LHCGR: variants seen among roughly 807,000 people sequenced by gnomAD.
The protein encoded by LHCGR is lutropin-choriogonadotropic hormone receptor.
In LHCGR, 55 loss-of-function variants were observed where a neutral mutation model predicts 60.7. The observed-to-expected ratio is 0.91, with a 90% CI of 0.73 to 1.13. The LOEUF is 1.13. Ranked by LOEUF, LHCGR falls within the 50% of genes most tolerant of loss-of-function variation. The pLI, the probability that LHCGR is intolerant of heterozygous loss-of-function variation, is 0.00. For synonymous variants in LHCGR, 337 were observed against 316.5 expected, an observed-to-expected ratio of 1.06 and a Z score of -0.69; for missense variants, 862 against 836.0, an observed-to-expected ratio of 1.03 and a Z score of -0.38.
rs763810927 is a variant in LHCGR, at chr2:48,713,983, T to C, written c.605+3A>G. The C allele has an allele frequency of 5.6e-6, 9 of 1,593,772 alleles. No individual in the cohort carries two copies. The highest frequency in any genetic ancestry group is 7.7e-6 in the Non-Finnish European group (9 of 1,161,554). ...TGAGCTGGGGAAATAAGCAAATACT[T>C]ACAGTGAAGTCAGTGTCGTCCCATT... is the stretch of plus-strand genomic sequence containing the variant. On this transcript the variant is annotated splice_donor_region_variant and intron_variant, in intron 7 of 10. Coordinates refer to ENST00000294954, the MANE Select transcript of LHCGR (RefSeq NM_000233.4).
intron 1 of LHCGR, among the ~76,000 whole-genome samples, chr2:48,746,905 A>G (rs766982944): frequency 1.3e-5 from 2 of 152,162 alleles, no homozygotes; most frequent in Non-Finnish European, 2.9e-5. Flanking sequence ...GATTTCTTGA[A>G]AATATTTTTC....
chr2:48,745,903 G>T (rs1434137458), intron 1 of LHCGR, among the ~76,000 whole-genome samples: 10 of 151,656 alleles, frequency 6.6e-5, no homozygotes, highest in Non-Finnish European at 1.0e-4. Flanking sequence ...TCCGTCTCAG[G>T]TACTACATAC....
In LHCGR at chr2:48,705,521, G is replaced by A. The variant is rs189208477; in HGVS notation, c.680+3427C>T. On this transcript the variant is annotated intron_variant, in intron 8 of 10. Coordinates refer to ENST00000294954, the MANE Select transcript of LHCGR (RefSeq NM_000233.4). The stretch of plus-strand genomic sequence containing the variant: ...AGTCTCCCATTATTATTGTGTGGGA[G>A]TCTAAGTCTCTTCGTAGTTCTCTAA... Among the ~76,000 whole-genome samples the A allele has an allele frequency of 1.1e-3, 161 of 152,290 alleles. 1 individual carries two copies. The highest frequency in any genetic ancestry group is 1.6e-3 in the Non-Finnish European group (108 of 68,010).
At chr2:48,733,821 G>T (rs920737208) in intron 1 of LHCGR, among the ~76,000 whole-genome samples, 1 of 152,034 alleles carries the variant, frequency 6.6e-6, no homozygotes, top group Non-Finnish European at 1.5e-5. Flanking sequence ...ATGGGTAGCA[G>T]TTCCTAAGCA....
rs1387925619 is a variant in LHCGR, at chr2:48,687,725, A to G, written c.2072T>C (p.Leu691Pro). 3 of 1,613,960 alleles carry G rather than the reference A, an allele frequency of 1.9e-6. No individual in the cohort carries two copies. The highest frequency in any genetic ancestry group is 1.7e-6 in the Non-Finnish European group (2 of 1,179,942). ...STLHCQGTAL[L>P]DKTRYTEC ...ACACTCTGTGTAGCGAGTCTTGTCT[A>G]GGAGAGCTGTACCTTGACAGTGCAA... The change falls in exon 11 of 11, where the codon CTA becomes CCA. Residue 691 changes from leucine (L) to proline (P), a missense_variant. Physicochemically the swap from Leu to Pro is moderately conservative, Grantham distance 98. Coordinates refer to ENST00000294954, the MANE Select transcript of LHCGR (RefSeq NM_000233.4).
At chr2:48,708,659 G>A (rs1331100808) in intron 8 of LHCGR, 5 of 542,464 alleles carry the variant, frequency 9.2e-6, no homozygotes, top group Non-Finnish European at 1.7e-5. Flanking sequence ...GAGAGGCCTG[G>A]AATAGATGCT....
At chr2:48,697,240 T>C (rs1667161000) in intron 9 of LHCGR, among the ~76,000 whole-genome samples, 1 of 152,248 alleles carries the variant, frequency 6.6e-6, no homozygotes, top group East Asian at 1.9e-4. Flanking sequence ...CTCCTGCCTG[T>C]TCTTCAAGAC....
intron 3 of LHCGR, 135 bp downstream of exon 3, chr2:48,729,018 C>A: frequency 1.3e-6 from 1 of 783,768 alleles, no homozygotes; most frequent in Non-Finnish European, 2.3e-6. Context: ...TTAGTGCCTG[C>A]CCAGACCTAG....
intron 10 of LHCGR, among the ~76,000 whole-genome samples, chr2:48,689,331 T>G (rs1422996971): frequency 6.6e-6 from 1 of 152,164 alleles, no homozygotes; most frequent in Non-Finnish European, 1.5e-5. Flanking sequence ...TTCTTGGCAT[T>G]TTCTTAACTA....
At chr2:48,702,001 G>T (rs546118011) in intron 8 of LHCGR, among the ~76,000 whole-genome samples, 2 of 152,168 alleles carry the variant, frequency 1.3e-5, no homozygotes, top group Non-Finnish European at 2.9e-5. Context: ...TGTTCACCAC[G>T]GTGCCTGGTA....
chr2:48,726,831 C>T (rs1668757399), intron 3 of LHCGR, among the ~76,000 whole-genome samples: 1 of 152,144 alleles, frequency 6.6e-6, no homozygotes, highest in African/African-American at 2.4e-5. Flanking sequence ...AGTAAGGCCT[C>T]AACCAGTGTT....
chr2:48,687,640 G>T lies in LHCGR; in HGVS notation c.*57C>A, dbSNP rs1275437926. 1 of 1,425,476 alleles carries T rather than the reference G, an allele frequency of 7.0e-7. No homozygotes were observed. The highest frequency in any genetic ancestry group is 9.9e-7 in the Non-Finnish European group (1 of 1,010,610). 88.3% of individuals were successfully genotyped at this position (1,425,476 alleles called of 1,614,324 possible). A position where few individuals can be genotyped will look rare whatever the true frequency, so the allele number is the denominator to read the frequency against. On this transcript the variant is annotated 3_prime_UTR_variant, in exon 11 of 11. Transcript: ENST00000294954. ...CTTTATGTTAAAATTACTGGTACAG[G>T]TAATTTTTTTTTACAGGTTTAAGAA... is the stretch of plus-strand genomic sequence containing the variant.
chr2:48,731,363 A>T (rs1041593761), intron 1 of LHCGR, 65 bp from the exon 2 acceptor site: 33 of 1,100,152 alleles, frequency 3.0e-5, no homozygotes, highest in Non-Finnish European at 4.6e-5. Flanking sequence ...TAAGTTCATG[A>T]ATAAAATGGG....
chr2:48,698,003 G>A (rs1359160049), intron 9 of LHCGR, among the ~76,000 whole-genome samples: 1 of 152,152 alleles, frequency 6.6e-6, no homozygotes, highest in Non-Finnish European at 1.5e-5. Flanking sequence ...ACAGTGCTCT[G>A]AGGAAAGAAC....
At chr2:48,742,168 A>G (rs1017267132) in intron 1 of LHCGR, among the ~76,000 whole-genome samples, 2 of 152,056 alleles carry the variant, frequency 1.3e-5, no homozygotes, top group African/African-American at 2.4e-5. Flanking sequence ...TGGACCCAAT[A>G]CAGGAGCACC....
Position 48,686,853 on chromosome 2 carries a change from T to C in LHCGR, c.*844A>G, listed in dbSNP as rs1322726180. ...GAAAAAATTGTTTTCATTATATGTTTCATAACTTCAGAGTAATTCTAACTC... is the reference window on the plus strand; with the variant it reads ...GAAAAAATTGTTTTCATTATATGTTCCATAACTTCAGAGTAATTCTAACTC... On this transcript the variant is annotated 3_prime_UTR_variant, in exon 11 of 11. Coordinates refer to ENST00000294954, the MANE Select transcript of LHCGR (RefSeq NM_000233.4). The C allele has an allele frequency of 6.6e-6, 1 of 152,208 alleles. No individual in the cohort carries two copies. The allele number at this position is 152,208 out of a possible 1,614,324, so 9.4% of individuals were successfully genotyped here. A position where few individuals can be genotyped will look rare whatever the true frequency, so the allele number is the denominator to read the frequency against.
chr2:48,729,205 G>C lies in LHCGR; in HGVS notation c.256C>G (p.Leu86Val). ...IKIEISQIDS[L>V]ERIEANAFDN... ...AAGGCATTAGCTTCTATCCTTTCCA[G>C]GGAATCAATCTGAGAGATTTCACTA... Residue 86 changes from leucine to valine, a missense_variant, in exon 3 of 11, where the codon CTG becomes GTG. Leu to Val is a conservative substitution (Grantham distance 32). Transcript: ENST00000294954. 1 of 1,610,840 alleles carries C rather than the reference G, an allele frequency of 6.2e-7. No homozygotes were observed. Among genetic ancestry groups the C allele is most frequent in the Non-Finnish European group, 8.5e-7 (1 of 1,178,134 alleles).
intron 7 of LHCGR, among the ~76,000 whole-genome samples, chr2:48,712,548 AG>A (rs1668044804): frequency 6.6e-6 from 1 of 152,330 alleles, no homozygotes; most frequent in Admixed American, 6.5e-5. Flanking sequence ...CAAGTCAAAA[AG>A]AACATGAGAG....
Position 48,687,592 on chromosome 2 carries a change from T to G in LHCGR, c.*105A>C, listed in dbSNP as rs907836487. 1.0e-6 allele frequency: 1 copy of G among 968,192 alleles called. No individual in the cohort carries two copies. The highest frequency in any genetic ancestry group is 1.6e-5 in the African/African-American group (1 of 61,456). The allele number at this position is 968,192 out of a possible 1,614,324, so 60.0% of individuals were successfully genotyped here. On this transcript the variant is annotated 3_prime_UTR_variant, in exon 11 of 11. Coordinates refer to ENST00000294954, the MANE Select transcript of LHCGR (RefSeq NM_000233.4). ...GTCTCTTGCCTAATGTACCTAAAAA[T>G]AAATAATTTCCTAAATCCAACCCTT...
Sources: gnomAD v4.1 joint callset for allele counts (sites outside exome capture counted in the v4.1 genomes callset) on GRCh38, gnomAD v4.1.1 for gene constraint, MANE v1.5 for transcripts, NCBI Gene and HGNC (gene_info 2026-07-23, HGNC 2026-07-21) for gene names.